The following ABRAXAS1 variants were observed in gnomAD, a reference collection of about 807,000 sequenced individuals.
The protein encoded by ABRAXAS1 is BRCA1-A complex subunit Abraxas 1.
A neutral mutation model predicts 38.4 loss-of-function variants in ABRAXAS1; 26 were observed. That is an observed-to-expected ratio of 0.68 (90% confidence interval 0.50 to 0.94). The LOEUF (loss-of-function observed/expected upper bound fraction) is 0.94. Among genes scored for constraint, ABRAXAS1 ranks in the 40% least tolerant of loss-of-function variants. The pLI is 0.00. For missense variants in ABRAXAS1, 438 were observed against 481.9 expected, an observed-to-expected ratio of 0.91 and a Z score of 0.85; for synonymous variants, 144 against 165.5, an observed-to-expected ratio of 0.87 and a Z score of 1.00.
rs1436342727 is a variant in ABRAXAS1 at position 83,469,142 on chromosome 4, G to A, written c.486C>T (p.His162=). 1 of 1,613,212 alleles carries A rather than the reference G, an allele frequency of 6.2e-7. No individual in the cohort carries two copies. Among genetic ancestry groups the A allele is most frequent in the Admixed American group, 1.7e-5 (1 of 59,832 alleles). Residue 162 remains histidine (H), a synonymous_variant, in exon 6 of 9, where the codon CAC becomes CAT. Transcript: ENST00000321945. ...GATTGGCAACCACTAAAGGTACCCT[G>A]TGAAAAAGTCTGACAAAATAAAACT... is the stretch of plus-strand genomic sequence containing the variant. The part of the protein sequence containing the change: ...SLYKPQKGLF[H]RVPLVVANLG...
At chr4:83,484,946 TC>T in intron 1 of ABRAXAS1, 39 bp downstream of exon 1, 1 of 1,522,812 alleles carries the variant, frequency 6.6e-7, no homozygotes. Context: ...GCAGGGCTCT[TC>T]CCAGGCGACG....
At chr4:83,464,112 A>G (rs942223960) in intron 7 of ABRAXAS1, among the ~76,000 whole-genome samples, 2 of 152,170 alleles carry the variant, frequency 1.3e-5, no homozygotes, top group East Asian at 1.9e-4. Context: ...GCTTGAACCC[A>G]GGAAGCAGAG....
intron 3 of ABRAXAS1, among the ~76,000 whole-genome samples, chr4:83,473,979 C>G (rs13116765): frequency 2.7e-5 from 4 of 150,240 alleles, no homozygotes; most frequent in African/African-American, 7.3e-5. Context: ...TAAAAATACA[C>G]CAACAAAAAA....
chr4:83,476,552 AACT>A (rs1164741443), intron 3 of ABRAXAS1, 88 bp downstream of exon 3: 7 of 935,594 alleles, frequency 7.5e-6, no homozygotes, highest in Admixed American at 1.9e-5. Context: ...TATAGGTTAT[AACT>A]AAGATAATCT....
At chr4:83,474,228 C>A (rs1722684605) in intron 3 of ABRAXAS1, among the ~76,000 whole-genome samples, 2 of 152,038 alleles carry the variant, frequency 1.3e-5, no homozygotes, top group Non-Finnish European at 2.9e-5. Flanking sequence ...TAGGCTATTT[C>A]CCAGGTACTT....
intron 8 of ABRAXAS1, among the ~76,000 whole-genome samples, 190 bp downstream of exon 8, chr4:83,463,304 G>A (rs1471946636): frequency 6.6e-6 from 1 of 152,122 alleles, no homozygotes; most frequent in African/African-American, 2.4e-5. Context: ...ATGGTGGCAG[G>A]CACCTGGAAT....
chr4:83,461,097 A>G lies in ABRAXAS1; in HGVS notation c.*1372T>C, dbSNP rs763469011. The stretch of plus-strand genomic sequence containing the variant: ...AAATTTTGCTCATTATGTTTTGTCA[A>G]GAACTTTAATTATCTCTTTACAGGG... On this transcript the variant is annotated 3_prime_UTR_variant, in exon 9 of 9. Coordinates refer to ENST00000321945, the MANE Select transcript of ABRAXAS1 (RefSeq NM_139076.3). The G allele has an allele frequency of 3.7e-6, 6 of 1,613,382 alleles. No homozygotes were observed. Among genetic ancestry groups the G allele is most frequent in the East Asian group, 4.5e-5 (2 of 44,832 alleles).
intron 3 of ABRAXAS1, among the ~76,000 whole-genome samples, chr4:83,475,041 G>C (rs1208183556): frequency 6.6e-6 from 1 of 152,182 alleles, no homozygotes; most frequent in East Asian, 1.9e-4. Context: ...AGAGCTAAAA[G>C]GCTCAGGCAT....
chr4:83,481,359 C>T (rs1220309845), intron 2 of ABRAXAS1, among the ~76,000 whole-genome samples: 1 of 152,104 alleles, frequency 6.6e-6, no homozygotes. Context: ...AAGGTTCTCC[C>T]CTGCTTTTCC....
intron 2 of ABRAXAS1, 22 bp from the exon 3 acceptor site, chr4:83,476,701 T>C: frequency 6.8e-7 from 1 of 1,477,770 alleles, no homozygotes; most frequent in Non-Finnish European, 9.4e-7. Flanking sequence ...GGATTTTTAG[T>C]TATGATTACA....
At chr4:83,477,768 T>C (rs1722835724) in intron 2 of ABRAXAS1, 5 of 692,388 alleles carry the variant, frequency 7.2e-6, no homozygotes, top group Non-Finnish European at 1.4e-5. Context: ...TATTCAGGAA[T>C]TGCTCCTGTT....
At chr4:83,477,842 T>C in intron 2 of ABRAXAS1, 1 of 773,220 alleles carries the variant, frequency 1.3e-6, no homozygotes, top group Admixed American at 1.8e-5. Flanking sequence ...GAAGCAATTA[T>C]CTGTAGAACG....
chr4:83,464,698 C>T (rs1165464985), intron 7 of ABRAXAS1, among the ~76,000 whole-genome samples: 1 of 152,200 alleles, frequency 6.6e-6, no homozygotes, highest in Non-Finnish European at 1.5e-5. Flanking sequence ...CAATGAGATT[C>T]TTGCCTGGCA....
rs144462226 is a variant in ABRAXAS1 at position 83,477,732 on chromosome 4, A to G, written c.179-1053T>C. 880 of 645,762 alleles carry G rather than the reference A, an allele frequency of 1.4e-3. 4 individuals carry two copies. The highest frequency in any genetic ancestry group is 2.2e-3 in the South Asian group (161 of 73,020). 40.0% of individuals were successfully genotyped at this position (645,762 alleles called of 1,614,324 possible). A position where few individuals can be genotyped will look rare whatever the true frequency, so the allele number is the denominator to read the frequency against. On this transcript the variant is annotated intron_variant, in intron 2 of 8. Coordinates refer to ENST00000321945, the MANE Select transcript of ABRAXAS1 (RefSeq NM_139076.3). ...ATGTTTCATGCTTTGTTTTGGATCT[A>G]TAAAGCGGAAGGTGTATTGGCTCTG...
intron 7 of ABRAXAS1, 130 bp downstream of exon 7, chr4:83,467,324 T>A: frequency 1.6e-6 from 1 of 620,752 alleles, no homozygotes; most frequent in South Asian, 1.8e-5. Flanking sequence ...AGAAGGTACA[T>A]AGCCTTCATT....
intron 2 of ABRAXAS1, among the ~76,000 whole-genome samples, chr4:83,481,434 T>C (rs1722998831): frequency 6.6e-6 from 1 of 152,200 alleles, no homozygotes; most frequent in African/African-American, 2.4e-5. Flanking sequence ...CTTTACAGCC[T>C]GGTCTCTTCC....
rs1166739614 is a variant in ABRAXAS1, at chr4:83,469,128, A to G, written c.500T>C (p.Val167Ala). The G allele has an allele frequency of 1.2e-5, 19 of 1,613,824 alleles. No homozygotes were observed. Among genetic ancestry groups the G allele is most frequent in the Non-Finnish European group, 1.6e-5 (19 of 1,179,870 alleles). Residue 167 changes from valine (V) to alanine (A), a missense_variant, in exon 6 of 9, where the codon GTG (valine) becomes GCG (alanine). Transcript: ENST00000321945. The stretch of plus-strand genomic sequence containing the variant: ...TTCAGACATGCCCAGATTGGCAACC[A>G]CTAAAGGTACCCTGTGAAAAAGTCT... ...QKGLFHRVPL[V>A]VANLGMSEQL...
At chr4:83,468,362 G>T (rs1485687075) in intron 6 of ABRAXAS1, among the ~76,000 whole-genome samples, 4 of 150,414 alleles carry the variant, frequency 2.7e-5, no homozygotes. Context: ...ATGAAATACG[G>T]TATTCAGTTT....
Position 83,459,695 on chromosome 4 carries a change from A to AT in ABRAXAS1, c.*2773dup, listed in dbSNP as rs1560567969. 6.5e-7 allele frequency: 1 copy of AT among 1,543,334 alleles called. No homozygotes were observed. Among genetic ancestry groups the AT allele is most frequent in the African/African-American group, 1.4e-5 (1 of 73,010 alleles). On this transcript the variant is annotated 3_prime_UTR_variant, in exon 9 of 9. Transcript: ENST00000321945. ...TTGAAATTTACACATTCAGAAATAA[A>AT]TAACAGATACTTTTTTTTCCCCTCC...
Sources: allele counts gnomAD v4.1 joint callset (sites outside exome capture counted in the v4.1 genomes callset), GRCh38; gene constraint gnomAD v4.1.1; transcripts MANE v1.5; gene names NCBI Gene and HGNC (gene_info 2026-07-23, HGNC 2026-07-21).